The following FAM185A variants were observed in gnomAD, a reference collection of about 807,000 sequenced individuals.
The protein encoded by FAM185A is family with sequence similarity 185 member A.
In FAM185A, 21 loss-of-function variants were observed where a neutral mutation model predicts 45.7. The ratio of observed to expected loss-of-function variants is 0.46; its 90% CI spans 0.33 to 0.66. FAM185A has a LOEUF of 0.66. FAM185A is among the 30% of genes least tolerant of loss of function. The pLI is 0.03. For missense variants in FAM185A, 305 were observed against 485.4 expected, an observed-to-expected ratio of 0.63 and a Z score of 3.49; for synonymous variants, 117 against 194.0, an observed-to-expected ratio of 0.60 and a Z score of 3.30.
At chr7:102,813,586 A>C (rs1775495806), downstream of FAM185A, 2 of 1,561,704 alleles carry the variant, frequency 1.3e-6, no homozygotes, top group Admixed American at 1.9e-5. Flanking sequence ...CTAGTGCAAA[A>C]TTTTCAAACT....
intron 6 of FAM185A, among the ~76,000 whole-genome samples, chr7:102,781,455 G>C (rs1185876032): frequency 6.6e-6 from 1 of 152,186 alleles, no homozygotes; most frequent in Non-Finnish European, 1.5e-5. Context: ...ACTCCTCTGA[G>C]ACAAAACTTC....
chr7:102,749,102 C>T lies in FAM185A; in HGVS notation c.-106C>T. On this transcript the variant is annotated 5_prime_UTR_variant, in exon 1 of 8. It adds an upstream start codon to the 5' untranslated region. Transcript: ENST00000413034. ...TCTTGTTTCAGCAAACCCTGACTTA[C>T]GTCTCCTATTTGACTTGAGGCGGCA... 2 of 1,458,202 alleles carry T rather than the reference C, an allele frequency of 1.4e-6. No individual in the cohort carries two copies. Among genetic ancestry groups the T allele is most frequent in the Non-Finnish European group, 1.9e-6 (2 of 1,063,748 alleles). 90.3% of individuals were successfully genotyped at this position (1,458,202 alleles called of 1,614,324 possible).
intron 6 of FAM185A, among the ~76,000 whole-genome samples, chr7:102,778,620 G>C (rs892817362): frequency 1.3e-5 from 2 of 152,022 alleles, no homozygotes; most frequent in Non-Finnish European, 2.9e-5. Flanking sequence ...GAATATTGCT[G>C]GAACAATATT....
the FAM185A span, among the ~76,000 whole-genome samples, chr7:102,830,373 T>C: frequency 6.6e-6 from 1 of 152,308 alleles, no homozygotes; most frequent in South Asian, 2.1e-4. Flanking sequence ...CACTAAGCCA[T>C]GTGTTGCCCA....
At chr7:102,782,505 TAAAGA>T (rs1795474487) in intron 6 of FAM185A, among the ~76,000 whole-genome samples, 1 of 152,132 alleles carries the variant, frequency 6.6e-6, no homozygotes, top group South Asian at 2.1e-4. Flanking sequence ...TCAACGTTCT[TAAAGA>T]AAAGAATTTT....
At chr7:102,849,940 C>T in the FAM185A span, among the ~76,000 whole-genome samples, 15 of 151,812 alleles carry the variant, frequency 9.9e-5, no homozygotes, top group Non-Finnish European at 1.9e-4. Context: ...AGCAAACCAC[C>T]ATGACACACG....
the FAM185A span, chr7:102,827,248 C>T: frequency 2.4e-6 from 1 of 409,458 alleles, no homozygotes; most frequent in East Asian, 7.3e-5. Flanking sequence ...GAAGCTGTCC[C>T]AGCTGGGTCC....
chr7:102,846,961 T>C, the FAM185A span, among the ~76,000 whole-genome samples: 1 of 152,216 alleles, frequency 6.6e-6, no homozygotes, highest in Non-Finnish European at 1.5e-5. Flanking sequence ...ATGGTGTTTA[T>C]ATATTTTGAA....
chr7:102,765,851 T>C (rs1416416451), intron 4 of FAM185A, among the ~76,000 whole-genome samples: 2 of 151,698 alleles, frequency 1.3e-5, no homozygotes, highest in East Asian at 1.9e-4. Flanking sequence ...AGTGGGAGAA[T>C]AGGTACTTGA....
At chr7:102,801,976 C>A (rs2129443809) in intron 7 of FAM185A, among the ~76,000 whole-genome samples, 1 of 151,370 alleles carries the variant, frequency 6.6e-6, no homozygotes, top group South Asian at 2.1e-4. Context: ...AGACCTTGTC[C>A]AACAGGAAAA....
the FAM185A span, among the ~76,000 whole-genome samples, chr7:102,848,352 C>T: frequency 4.2e-5 from 2 of 48,094 alleles, no homozygotes; most frequent in South Asian, 6.8e-4. Flanking sequence ...GTCAGGAGAT[C>T]GAGACCATCC....
intron 7 of FAM185A, 85 bp from the exon 8 acceptor site, chr7:102,808,205 G>T: frequency 1.1e-6 from 1 of 884,778 alleles, no homozygotes; most frequent in East Asian, 2.7e-5. Context: ...GTTCTAAGGT[G>T]TTTTTCAGTT....
At position 102,749,701 on chromosome 7, in the gene FAM185A, G is replaced by A. The variant is rs1219285500; in HGVS notation, c.451+43G>A. On this transcript the variant is annotated intron_variant, in intron 1 of 7. Coordinates refer to ENST00000413034, the MANE Select transcript of FAM185A (RefSeq NM_001145268.2). ...AAAACGGGTTTGGGTCCCAGGGAAC[G>A]CACAGTGAACTTAATAAATGTGGTC... 51 of 1,488,478 alleles carry A rather than the reference G, an allele frequency of 3.4e-5. No homozygotes were observed. The South Asian group carries it at 3.8e-4, about 11-fold the overall frequency. The allele number at this position is 1,488,478 out of a possible 1,614,324, so 92.2% of individuals were successfully genotyped here. A position where few individuals can be genotyped will look rare whatever the true frequency, so the allele number is the denominator to read the frequency against.
the FAM185A span, among the ~76,000 whole-genome samples, chr7:102,826,732 T>G: frequency 2.5e-5 from 1 of 40,404 alleles, no homozygotes; most frequent in Admixed American, 2.4e-4. Flanking sequence ...CTCATATATA[T>G]ATATATATAT....
At chr7:102,849,755 A>G in the FAM185A span, among the ~76,000 whole-genome samples, 1 of 152,220 alleles carries the variant, frequency 6.6e-6, no homozygotes, top group African/African-American at 2.4e-5. Context: ...GGGAAAGATT[A>G]CCACATGCCC....
At chr7:102,783,912 A>G (rs1795591924) in intron 6 of FAM185A, among the ~76,000 whole-genome samples, 1 of 152,244 alleles carries the variant, frequency 6.6e-6, no homozygotes, top group Admixed American at 6.5e-5. Flanking sequence ...TTTTGAAAAG[A>G]TCAACAAAAT....
intron 2 of FAM185A, among the ~76,000 whole-genome samples, chr7:102,752,805 G>A (rs1435866811): frequency 1.5e-5 from 2 of 137,032 alleles, no homozygotes; most frequent in African/African-American, 5.4e-5. Flanking sequence ...CTAGCTTATT[G>A]TTACTCTTAG....
the FAM185A span, among the ~76,000 whole-genome samples, chr7:102,839,165 G>C: frequency 6.6e-6 from 1 of 152,212 alleles, no homozygotes; most frequent in Non-Finnish European, 1.5e-5. Flanking sequence ...TGGGTGGAGA[G>C]AAGCAAAAAT....
chr7:102,759,964 T>A (rs1227908321), intron 3 of FAM185A, among the ~76,000 whole-genome samples: 3 of 152,076 alleles, frequency 2.0e-5, no homozygotes, highest in Non-Finnish European at 4.4e-5. Flanking sequence ...ATTTGCTTTG[T>A]CCACTTAACA....
Sources: allele counts gnomAD v4.1 joint callset (sites outside exome capture counted in the v4.1 genomes callset), GRCh38; gene constraint gnomAD v4.1.1; transcripts MANE v1.5; gene names NCBI Gene and HGNC (gene_info 2026-07-23, HGNC 2026-07-21).